Variants in PAGE2B observed in about 807,000 individuals in gnomAD.
PAGE2B encodes the protein putative G antigen family E member 3.
PAGE2B carries 5 observed loss-of-function variants against 7.6 expected under a neutral mutation model. The observed-to-expected ratio is 0.66, with a 90% CI of 0.34 to 1.38. The LOEUF (loss-of-function observed/expected upper bound fraction) is 1.38. Ranked by LOEUF, PAGE2B falls within the 40% of genes most tolerant of loss-of-function variation. The pLI, the probability that PAGE2B is intolerant of heterozygous loss-of-function variation, is 0.04. For synonymous variants in PAGE2B, 29 were observed against 26.7 expected, an observed-to-expected ratio of 1.09 and a Z score of -0.27; for missense variants, 70 against 78.4, an observed-to-expected ratio of 0.89 and a Z score of 0.41.
At chrX:55,049,175 A>G in the PAGE2B span, among the ~76,000 whole-genome samples, 1 of 111,087 alleles carries the variant, frequency 9.0e-6, no homozygotes, top group African/African-American at 3.3e-5. Context: ...CATGGTGGAT[A>G]AGCTTTTTGA....
At chrX:55,053,377 G>C in the PAGE2B span, among the ~76,000 whole-genome samples, 3 of 111,540 alleles carry the variant, frequency 2.7e-5, no homozygotes, top group Non-Finnish European at 5.6e-5. Context: ...TCAAGGGGGC[G>C]AGGGGAGGGA....
At chrX:55,042,277 T>G in the PAGE2B span, among the ~76,000 whole-genome samples, 1 of 110,645 alleles carries the variant, frequency 9.0e-6, no homozygotes, top group Non-Finnish European at 1.9e-5. Flanking sequence ...AAGCTGAGAA[T>G]CAAATCAAGA....
the PAGE2B span, among the ~76,000 whole-genome samples, chrX:55,034,445 T>G: frequency 9.0e-6 from 1 of 111,382 alleles, no homozygotes; most frequent in Non-Finnish European, 1.9e-5. Flanking sequence ...ATATCAATTT[T>G]AGTAATCAAT....
At chrX:55,048,040 C>T in the PAGE2B span, among the ~76,000 whole-genome samples, 7 of 111,867 alleles carry the variant, frequency 6.3e-5, no homozygotes, top group Admixed American at 2.8e-4. Context: ...ATATGGCTAG[C>T]CAGTTTTCTC....
At chrX:55,041,143 G>A in the PAGE2B span, among the ~76,000 whole-genome samples, 1 of 97,215 alleles carries the variant, frequency 1.0e-5, no homozygotes, top group Admixed American at 1.2e-4. Context: ...GTGCAGTGGT[G>A]TGATCTCGGC....
At chrX:55,073,824 C>T, upstream of PAGE2B, among the ~76,000 whole-genome samples, 1 of 111,456 alleles carries the variant, frequency 9.0e-6, no homozygotes, top group Non-Finnish European at 1.9e-5. Context: ...TGATTTGGCT[C>T]TGTGCTTGAA....
chrX:55,061,438 T>A, the PAGE2B span, among the ~76,000 whole-genome samples: 2 of 110,771 alleles, frequency 1.8e-5, no homozygotes, highest in African/African-American at 6.5e-5. Flanking sequence ...TTGTTCTTTT[T>A]AAATATTTTT....
chrX:55,038,635 A>G, the PAGE2B span, among the ~76,000 whole-genome samples: 1 of 111,996 alleles, frequency 8.9e-6, no homozygotes, highest in African/African-American at 3.2e-5. Context: ...ATCCTTGAAG[A>G]GGCAGGTATA....
chrX:55,046,766 A>C, the PAGE2B span, among the ~76,000 whole-genome samples: 1 of 112,091 alleles, frequency 8.9e-6, no homozygotes, highest in Non-Finnish European at 1.9e-5. Flanking sequence ...TGGGATAGAA[A>C]GATCATGCCA....
the PAGE2B span, among the ~76,000 whole-genome samples, chrX:55,061,309 C>T: frequency 1.8e-5 from 2 of 110,846 alleles, no homozygotes; most frequent in African/African-American, 3.3e-5. Flanking sequence ...AGTTATGCGT[C>T]GTAGGGGTTG....
chrX:55,035,675 G>T, the PAGE2B span, among the ~76,000 whole-genome samples: 1 of 112,150 alleles, frequency 8.9e-6, no homozygotes, highest in East Asian at 2.8e-4. Flanking sequence ...ACTGGGTTCT[G>T]CCATTTATTA....
At chrX:55,055,646 A>C in the PAGE2B span, 1 of 126,377 alleles carries the variant, frequency 7.9e-6, no homozygotes. Flanking sequence ...CTGCTTTTTC[A>C]TTCTTTCTTT....
At chrX:55,063,425 A>G in the PAGE2B span, among the ~76,000 whole-genome samples, 1 of 110,392 alleles carries the variant, frequency 9.1e-6, no homozygotes, top group Non-Finnish European at 1.9e-5. Flanking sequence ...GTATCCTGAA[A>G]TTTTCCTGAA....
At chrX:55,065,299 A>G in the PAGE2B span, among the ~76,000 whole-genome samples, 3 of 111,916 alleles carry the variant, frequency 2.7e-5, no homozygotes, top group Non-Finnish European at 5.6e-5. Context: ...AGCATTATAT[A>G]GTGACCTTCT....
chrX:55,066,077 T>C, the PAGE2B span, among the ~76,000 whole-genome samples: 2 of 111,921 alleles, frequency 1.8e-5, no homozygotes, highest in South Asian at 3.7e-4. Context: ...TTTTTCTTTC[T>C]TTCTTTCTCT....
chrX:55,037,098 A>G, the PAGE2B span, among the ~76,000 whole-genome samples: 1 of 111,827 alleles, frequency 8.9e-6, no homozygotes, highest in African/African-American at 3.3e-5. Context: ...AGAAACTACC[A>G]TCAGGGCGAA....
At chrX:55,050,231 T>C in the PAGE2B span, among the ~76,000 whole-genome samples, 6 of 111,829 alleles carry the variant, frequency 5.4e-5, no homozygotes, top group African/African-American at 2.0e-4. Context: ...CTTCCAACTA[T>C]GTGGTCAATT....
At chrX:55,035,039 G>C in the PAGE2B span, among the ~76,000 whole-genome samples, 1 of 109,880 alleles carries the variant, frequency 9.1e-6, no homozygotes, top group African/African-American at 3.3e-5. Context: ...CTTTATATTT[G>C]CTGGCAGCCA....
chrX:55,067,655 T>C, the PAGE2B span, among the ~76,000 whole-genome samples: 6 of 111,926 alleles, frequency 5.4e-5, no homozygotes, highest in Non-Finnish European at 1.1e-4. Context: ...GTTGAACTAA[T>C]TTACATTCCC....
Sources: gnomAD v4.1 joint callset for allele counts (sites outside exome capture counted in the v4.1 genomes callset) on GRCh38, gnomAD v4.1.1 for gene constraint, MANE v1.5 for transcripts, NCBI Gene and HGNC (gene_info 2026-07-23, HGNC 2026-07-21) for gene names.